The following SLC12A6 variants were observed in gnomAD, a reference collection of about 807,000 sequenced individuals.
SLC12A6 encodes solute carrier family 12 member 6, also known as K-Cl cotransporter 3.
Under a neutral mutation model 135.3 loss-of-function variants are expected in SLC12A6, and 66 were observed. The ratio of observed to expected loss-of-function variants is 0.49; its 90% CI spans 0.40 to 0.60. The LOEUF is 0.60. Ranked by LOEUF, SLC12A6 falls within the 20% of genes least tolerant of loss-of-function variation. The pLI, the probability that SLC12A6 is intolerant of heterozygous loss-of-function variation, is 0.00. For synonymous variants in SLC12A6, 513 were observed against 508.8 expected (o/e 1.01, Z -0.11); for missense variants, 1,058 against 1,452.3 (o/e 0.73, Z 4.41).
chr15:34,282,992 G>A (rs565462937), intron 2 of SLC12A6, among the ~76,000 whole-genome samples: 1 of 152,302 alleles, frequency 6.6e-6, no homozygotes, highest in South Asian at 2.1e-4. Flanking sequence ...GCTAGGGATA[G>A]AAGGTAAATA....
chr15:34,233,898 T>C lies in SLC12A6; in HGVS notation c.3436A>G (p.Ile1146Val). The C allele has an allele frequency of 1.3e-6, 2 of 1,590,050 alleles. No individual in the cohort carries two copies. Among genetic ancestry groups the C allele is most frequent in the South Asian group, 2.2e-5 (2 of 90,596 alleles). ...LLVRGGGSEVITIYS is the reference protein window; with the variant it reads ...LLVRGGGSEVVTIYS ...AGAGTAGGTTATGAATAAATGGTGA[T>C]CACTTCACTGCCACCACCCCGGACA... The change falls in exon 26 of 26, where the codon ATC (isoleucine) becomes GTC (valine). Residue 1146 changes from isoleucine (I) to valine (V), a missense_variant. Around this residue, in one of 6 missense-constraint regions of SLC12A6, gnomAD observed 245 missense variants for 440.8 expected, o/e 0.56. Transcript: ENST00000354181.
Position 34,242,160 on chromosome 15 carries a change from A to C in SLC12A6, c.2104T>G (p.Tyr702Asp). ...LALMFISSWY[Y>D]AIVAMVIAGM... ...GCTATTACCATGGCTACAATGGCAT[A>C]ATACCAGGAAGAAATGAACATCAGA... Residue 702 changes from tyrosine to aspartate, a missense_variant, in exon 17 of 26, where the codon TAT becomes GAT. Tyr to Asp is a radical substitution (Grantham distance 160, BLOSUM62 -3). Coordinates refer to ENST00000354181, the MANE Select transcript of SLC12A6 (RefSeq NM_001365088.1). 6.3e-7 allele frequency: 1 copy of C among 1,589,324 alleles called. No individual in the cohort carries two copies. Among genetic ancestry groups the C allele is most frequent in the East Asian group, 2.2e-5 (1 of 44,684 alleles).
chr15:34,252,387 A>ATTTCTTTTCACTTAGGGTCTGC lies in SLC12A6; in HGVS notation c.1119-4_1119-3insGCAGACCCTAAGTGAAAAGAAA. ...TGCGGTTACCCAGCATGCAGACCCT[A>ATTTCTTTTCACTTAGGGTCTGC]AGTGAAAAGAAATAGGGAGAAAGAT... On this transcript the variant is annotated splice_region_variant and splice_polypyrimidine_tract_variant and intron_variant, in intron 9 of 25. Coordinates refer to ENST00000354181, the MANE Select transcript of SLC12A6 (RefSeq NM_001365088.1). The ATTTCTTTTCACTTAGGGTCTGC allele has an allele frequency of 6.4e-7, 1 of 1,566,036 alleles. No homozygotes were observed. The highest frequency in any genetic ancestry group is 8.8e-7 in the Non-Finnish European group (1 of 1,136,222).
chr15:34,281,283 T>C (rs1211589937), intron 2 of SLC12A6, among the ~76,000 whole-genome samples: 1 of 152,084 alleles, frequency 6.6e-6, no homozygotes, highest in Admixed American at 6.5e-5. Context: ...CTTTAATAGG[T>C]ATTGAAAAAA....
intron 14 of SLC12A6, 35 bp downstream of exon 14, chr15:34,245,658 A>G: frequency 3.2e-6 from 5 of 1,552,946 alleles, no homozygotes; most frequent in African/African-American, 1.4e-5. Flanking sequence ...TAAAGCTGGG[A>G]AAAAAAGAAG....
intron 2 of SLC12A6, among the ~76,000 whole-genome samples, chr15:34,330,375 G>A (rs1053637393): frequency 9.2e-5 from 14 of 152,142 alleles, no homozygotes; most frequent in African/African-American, 2.4e-4. Flanking sequence ...AGGAAAAACA[G>A]TTAAGGTATA....
chr15:34,237,760 C>T lies in SLC12A6; in HGVS notation c.2803-210G>A, dbSNP rs80153148. Among the ~76,000 whole-genome samples, 1,007 of 152,230 alleles carry T rather than the reference C, an allele frequency of 6.6e-3. 6 individuals carry two copies. Among genetic ancestry groups the T allele is most frequent in the African/African-American group, 0.023 (941 of 41,526 alleles). Reference sequence around the variant, plus strand: ...TACAGTTTTAAGGAGTCCTTAATTTCATAACAAGAAAACACTGGCAAAAGA... The same window carrying T: ...TACAGTTTTAAGGAGTCCTTAATTTTATAACAAGAAAACACTGGCAAAAGA... On this transcript the variant is annotated intron_variant, in intron 21 of 25. Transcript: ENST00000354181.
chr15:34,320,731 A>T (rs1360535319), intron 2 of SLC12A6, among the ~76,000 whole-genome samples: 2 of 151,874 alleles, frequency 1.3e-5, no homozygotes. Context: ...CCTGGCTAAC[A>T]CAGTGAAACC....
At chr15:34,320,602 A>G (rs999770069) in intron 2 of SLC12A6, among the ~76,000 whole-genome samples, 2 of 128,182 alleles carry the variant, frequency 1.6e-5, no homozygotes, top group Non-Finnish European at 3.2e-5. Context: ...TGGAATAAAC[A>G]ATTTTTTTTT....
chr15:34,320,276 A>C (rs999971322), intron 2 of SLC12A6, among the ~76,000 whole-genome samples: 1 of 152,266 alleles, frequency 6.6e-6, no homozygotes, highest in Non-Finnish European at 1.5e-5. Flanking sequence ...TATATGAAGA[A>C]AATGTGGAAT....
intron 2 of SLC12A6, chr15:34,318,818 T>A: frequency 6.5e-7 from 1 of 1,530,718 alleles, no homozygotes; most frequent in Non-Finnish European, 8.8e-7. Flanking sequence ...CGGGAAGTAC[T>A]TTAAGCTCAC....
At chr15:34,285,419 T>C (rs975911797) in intron 2 of SLC12A6, among the ~76,000 whole-genome samples, 2 of 151,844 alleles carry the variant, frequency 1.3e-5, no homozygotes, top group Admixed American at 6.6e-5. Flanking sequence ...TCCACAGCAA[T>C]TAGATGAACA....
At chr15:34,260,110 G>A (rs78525210) in intron 4 of SLC12A6, among the ~76,000 whole-genome samples, 6,136 of 152,186 alleles carry the variant, frequency 0.04, 231 homozygotes, top group African/African-American at 0.1. Flanking sequence ...ATAAGTATAC[G>A]AGGTGATATA....
intron 2 of SLC12A6, among the ~76,000 whole-genome samples, chr15:34,312,658 T>A (rs573984299): frequency 6.6e-6 from 1 of 152,360 alleles, no homozygotes; most frequent in African/African-American, 2.4e-5. Context: ...AGGGTTCTAA[T>A]ATACAGGCAT....
intron 2 of SLC12A6, among the ~76,000 whole-genome samples, chr15:34,281,878 A>G (rs1894705815): frequency 6.6e-6 from 1 of 152,228 alleles, no homozygotes; most frequent in African/African-American, 2.4e-5. Context: ...GTGCATACAA[A>G]AAGTTAATTC....
chr15:34,334,720 A>T (rs764226051), intron 2 of SLC12A6, among the ~76,000 whole-genome samples: 12 of 152,198 alleles, frequency 7.9e-5, no homozygotes, highest in Non-Finnish European at 1.2e-4. Flanking sequence ...TTATATAGAG[A>T]ACCAAGCTTT....
chr15:34,236,451 T>C (rs1229349838), intron 23 of SLC12A6, among the ~76,000 whole-genome samples: 2 of 152,136 alleles, frequency 1.3e-5, no homozygotes, highest in Non-Finnish European at 2.9e-5. Flanking sequence ...GTTTAAGCAC[T>C]TCTCTGCCTC....
Position 34,256,282 on chromosome 15 carries a change from G to A in SLC12A6, c.692C>T (p.Thr231Ile), listed in dbSNP as rs1892747582. The A allele has an allele frequency of 6.3e-7, 1 of 1,598,936 alleles. No individual in the cohort carries two copies. Among genetic ancestry groups the A allele is most frequent in the Non-Finnish European group, 8.6e-7 (1 of 1,166,198 alleles). The change falls in exon 7 of 26, where the codon ACA (threonine) becomes ATA (isoleucine). Residue 231 changes from threonine (T) to isoleucine (I), a missense_variant and splice_region_variant. Physicochemically the swap from Thr to Ile is moderately conservative, Grantham distance 89 (BLOSUM62 -1). Transcript: ENST00000354181. ...ACTCATGGAGATAGCAGTCAACATT[G>A]TCTGCAGAGAAAAGGAAAGGAGAGG... ...FAIVLICCCC[T>I]MLTAISMSAI... is the part of the protein sequence containing the mutation.
intron 2 of SLC12A6, among the ~76,000 whole-genome samples, chr15:34,279,250 G>A (rs558118764): frequency 1.3e-5 from 2 of 152,016 alleles, no homozygotes; most frequent in African/African-American, 4.8e-5. Flanking sequence ...GGAGGCGGAG[G>A]TTGCAGTTAG....
Sources: gnomAD v4.1 joint callset for allele counts (sites outside exome capture counted in the v4.1 genomes callset) on GRCh38, gnomAD v4.1.1 for gene constraint, gnomAD v4.1.1 regional missense constraint, MANE v1.5 for transcripts, NCBI Gene and HGNC (gene_info 2026-07-23, HGNC 2026-07-21) for gene names.